Variants in CACNA2D3 observed in about 807,000 individuals in gnomAD.
The protein encoded by CACNA2D3 is calcium voltage-gated channel auxiliary subunit alpha2delta 3.
In CACNA2D3, 60 loss-of-function variants were observed where a neutral mutation model predicts 160.6. That is an observed-to-expected ratio of 0.37 (90% confidence interval 0.30 to 0.46). CACNA2D3 has a LOEUF of 0.46. CACNA2D3 is among the 20% of genes least tolerant of loss of function. The pLI is 1.00. For missense variants in CACNA2D3, 1,205 were observed against 1,365.0 expected (o/e 0.88, Z 1.85); for synonymous variants, 558 against 492.9 (o/e 1.13, Z -1.75).
chr3:54,224,291 TGAAGTA>T (rs1478320089), intron 2 of CACNA2D3, among the ~76,000 whole-genome samples: 1 of 151,636 alleles, frequency 6.6e-6, no homozygotes, highest in Admixed American at 6.6e-5. Context: ...TTTTTTTTAA[TGAAGTA>T]GAAGGAGTAC....
rs970806771 is a variant in CACNA2D3, at chr3:54,542,209, G to C, written c.545-20591G>C. On this transcript the variant is annotated intron_variant, in intron 5 of 37. Coordinates refer to ENST00000474759, the MANE Select transcript of CACNA2D3 (RefSeq NM_018398.3). Reference sequence around the variant, plus strand: ...CCCGAGTAGCTGGGATTACAGGCACGTACCACCACGCCCAGCTCATTTTTA... The same window carrying C: ...CCCGAGTAGCTGGGATTACAGGCACCTACCACCACGCCCAGCTCATTTTTA... Among the ~76,000 whole-genome samples, 8 of 151,836 alleles carry C rather than the reference G, an allele frequency of 5.3e-5. No homozygotes were observed. In the East Asian group the frequency reaches 1.4e-3, roughly 26 times the overall value.
chr3:54,842,292 T>C (rs1698836023), intron 16 of CACNA2D3, among the ~76,000 whole-genome samples: 1 of 152,242 alleles, frequency 6.6e-6, no homozygotes, highest in Admixed American at 6.5e-5. Context: ...AGGTACAGGC[T>C]TAAGAAGGAC....
intron 31 of CACNA2D3, among the ~76,000 whole-genome samples, chr3:54,990,614 A>G (rs1702717796): frequency 6.6e-6 from 1 of 152,204 alleles, no homozygotes; most frequent in African/African-American, 2.4e-5. Flanking sequence ...ACAGAGCTCC[A>G]AGAGGAGAGC....
chr3:54,684,503 GT>G (rs1700413510), intron 11 of CACNA2D3, among the ~76,000 whole-genome samples: 1 of 152,294 alleles, frequency 6.6e-6, no homozygotes, highest in East Asian at 1.9e-4. Context: ...ATCATCTGAA[GT>G]TACCTGTTTT....
At chr3:54,990,565 T>A (rs1702716740) in intron 31 of CACNA2D3, among the ~76,000 whole-genome samples, 1 of 151,956 alleles carries the variant, frequency 6.6e-6, no homozygotes, top group African/African-American at 2.4e-5. Context: ...GAAACAAGTT[T>A]CATGCACAAG....
chr3:54,868,200 A>C (rs1244289326), intron 17 of CACNA2D3, among the ~76,000 whole-genome samples: 1 of 152,218 alleles, frequency 6.6e-6, no homozygotes, highest in Non-Finnish European at 1.5e-5. Flanking sequence ...TTTCTCACTC[A>C]AATTAATCAC....
chr3:54,694,871 T>A (rs1700635450), intron 11 of CACNA2D3, among the ~76,000 whole-genome samples: 1 of 152,198 alleles, frequency 6.6e-6, no homozygotes, highest in African/African-American at 2.4e-5. Context: ...AGTGAATGCA[T>A]CTCATAGGGA....
At chr3:54,134,162 A>G (rs1402323037) in intron 2 of CACNA2D3, among the ~76,000 whole-genome samples, 1 of 152,062 alleles carries the variant, frequency 6.6e-6, no homozygotes, top group Admixed American at 6.5e-5. Flanking sequence ...CCCTGGACTC[A>G]CTAGGATCGA....
At chr3:54,273,477 T>G (rs1457304778) in intron 2 of CACNA2D3, among the ~76,000 whole-genome samples, 1 of 152,180 alleles carries the variant, frequency 6.6e-6, no homozygotes, top group Non-Finnish European at 1.5e-5. Flanking sequence ...ACATATAAAC[T>G]AAACCATTTT....
At chr3:54,762,508 G>GC (rs1321821602) in intron 12 of CACNA2D3, among the ~76,000 whole-genome samples, 1 of 152,164 alleles carries the variant, frequency 6.6e-6, no homozygotes, top group African/African-American at 2.4e-5. Context: ...GAACTGCCAG[G>GC]CCCCAGGGGG....
At chr3:54,240,379 A>G (rs970248616) in intron 2 of CACNA2D3, among the ~76,000 whole-genome samples, 3 of 152,160 alleles carry the variant, frequency 2.0e-5, no homozygotes, top group African/African-American at 4.8e-5. Context: ...TCCCAAGAGA[A>G]CAGTAATTAC....
chr3:54,876,777 C>G (rs1355230967), intron 18 of CACNA2D3, among the ~76,000 whole-genome samples: 1 of 152,156 alleles, frequency 6.6e-6, no homozygotes, highest in African/African-American at 2.4e-5. Flanking sequence ...GTGCCTGACA[C>G]ACAGTAAGAG....
intron 2 of CACNA2D3, among the ~76,000 whole-genome samples, chr3:54,277,302 G>A (rs780462810): frequency 2.0e-5 from 3 of 152,182 alleles, no homozygotes; most frequent in Admixed American, 1.3e-4. Context: ...GTTAATTTTT[G>A]TATACGATGT....
intron 14 of CACNA2D3, among the ~76,000 whole-genome samples, chr3:54,827,528 A>T (rs899551844): frequency 6.6e-6 from 1 of 152,220 alleles, no homozygotes; most frequent in African/African-American, 2.4e-5. Flanking sequence ...GCAGTGTTCA[A>T]CTAAGCTGTG....
chr3:54,614,830 G>A (rs1698816293), intron 9 of CACNA2D3, among the ~76,000 whole-genome samples: 1 of 151,946 alleles, frequency 6.6e-6, no homozygotes, highest in South Asian at 2.1e-4. Context: ...CCAAAGATGG[G>A]ATAAATTAAA....
rs774534928 is a variant in CACNA2D3 at position 54,925,441 on chromosome 3, G to A, written c.2449+25573G>A. Among the ~76,000 whole-genome samples the A allele has an allele frequency of 1.8e-4, 27 of 152,164 alleles. 1 individual carries two copies. The highest frequency in any genetic ancestry group is 5.9e-5 in the Non-Finnish European group (4 of 68,038). On this transcript the variant is annotated intron_variant, in intron 27 of 37. Transcript: ENST00000474759. Reference sequence around the variant, plus strand: ...GTCTTTGTGCCACCTATCGTCTGAAGCCTTGAGAAAGATACTCTCAGTGTC... The same window carrying A: ...GTCTTTGTGCCACCTATCGTCTGAAACCTTGAGAAAGATACTCTCAGTGTC...
chr3:54,842,656 C>T (rs1031011819), intron 16 of CACNA2D3, among the ~76,000 whole-genome samples: 10 of 150,048 alleles, frequency 6.7e-5, no homozygotes, highest in Admixed American at 4.0e-4. Context: ...GCTGGAGTAC[C>T]GTGGCACGAT....
At chr3:55,011,055 C>A (rs1383194252) in intron 34 of CACNA2D3, among the ~76,000 whole-genome samples, 2 of 152,224 alleles carry the variant, frequency 1.3e-5, no homozygotes, top group African/African-American at 4.8e-5. Context: ...TTGTAACTTA[C>A]ACATAGGCTC....
chr3:54,338,242 G>T (rs1019369906), intron 3 of CACNA2D3, among the ~76,000 whole-genome samples: 2 of 152,242 alleles, frequency 1.3e-5, no homozygotes, highest in African/African-American at 4.8e-5. Context: ...TATGGCTTGG[G>T]TGATGGGTGC....
Sources: allele counts gnomAD v4.1 joint callset (sites outside exome capture counted in the v4.1 genomes callset), GRCh38; gene constraint gnomAD v4.1.1; transcripts MANE v1.5; gene names NCBI Gene and HGNC (gene_info 2026-07-23, HGNC 2026-07-21).